Variants in XKR5 observed in about 807,000 individuals in gnomAD.
The protein encoded by XKR5 is XK related 5, also known as XK-related protein 5.
XKR5 carries 46 observed loss-of-function variants against 40.8 expected under a neutral mutation model. The observed-to-expected ratio is 1.13, with a 90% CI of 0.89 to 1.44. The LOEUF is 1.44. Ranked by LOEUF, XKR5 falls within the 40% of genes most tolerant of loss-of-function variation. The probability of loss-of-function intolerance (pLI) is 0.00; values close to 1 mark genes in which losing one functional copy is unlikely to be tolerated. For missense variants in XKR5, 1,169 were observed against 844.7 expected (o/e 1.38, Z -4.76); for synonymous variants, 466 against 356.1 (o/e 1.31, Z -3.48).
chr8:6,826,211 T>C (rs775660189), intron 2 of XKR5, among the ~76,000 whole-genome samples: 2 of 152,144 alleles, frequency 1.3e-5, no homozygotes, highest in Non-Finnish European at 2.9e-5. Context: ...TGCATATGTA[T>C]ATAGGCATTA....
At chr8:6,825,731 A>C (rs1028148135) in intron 2 of XKR5, among the ~76,000 whole-genome samples, 29 of 152,188 alleles carry the variant, frequency 1.9e-4, no homozygotes, top group Non-Finnish European at 5.9e-5. Context: ...TTATCGACAG[A>C]TGTCTGTTGC....
chr8:6,832,023 A>AC (rs1804789916), intron 2 of XKR5, among the ~76,000 whole-genome samples: 1 of 144,828 alleles, frequency 6.9e-6, no homozygotes, highest in South Asian at 2.2e-4. Context: ...TCAAAAAAAA[A>AC]AAAAAAAAAA....
In XKR5 at chr8:6,835,427, C is replaced by G. The variant is rs1587216471; in HGVS notation, c.58+9G>C. The G allele has an allele frequency of 1.4e-6, 2 of 1,477,850 alleles. No individual in the cohort carries two copies. The highest frequency in any genetic ancestry group is 1.3e-5 in the South Asian group (1 of 77,520). The allele number at this position is 1,477,850 out of a possible 1,614,324, so 91.5% of individuals were successfully genotyped here. A position where few individuals can be genotyped will look rare whatever the true frequency, so the allele number is the denominator to read the frequency against. On this transcript the variant is annotated intron_variant, in intron 1 of 6. Transcript: ENST00000618742. Reference sequence around the variant, plus strand: ...AGGGGTGAGCACAGCCTCGGGCTGCCGCACTCACGCGCGCTCTGCTCGGCC... The same window carrying G: ...AGGGGTGAGCACAGCCTCGGGCTGCGGCACTCACGCGCGCTCTGCTCGGCC...
Position 6,820,736 on chromosome 8 carries a change from G to A in XKR5, c.807+1133C>T, listed in dbSNP as rs552364249. 3.3e-5 allele frequency among the ~76,000 whole-genome samples: 5 copies of A among 152,340 alleles called. No individual in the cohort carries two copies. In the South Asian group the frequency reaches 1.0e-3, roughly 32 times the overall value. ...TGAGGTTGGTGAGGCTCAGTAATGT[G>A]TCCAACATTGCAAGTCCTGTGAGCT... On this transcript the variant is annotated intron_variant, in intron 5 of 6. Transcript: ENST00000618742.
At chr8:6,819,135 T>G (rs1280812047) in intron 5 of XKR5, among the ~76,000 whole-genome samples, 3 of 152,222 alleles carry the variant, frequency 2.0e-5, no homozygotes, top group Admixed American at 2.0e-4. Flanking sequence ...AGGCTCAACA[T>G]AGCTGAGCGA....
At chr8:6,825,424 G>GACATACT in intron 2 of XKR5, 75 bp from the exon 3 acceptor site, 1 of 1,389,478 alleles carries the variant, frequency 7.2e-7, no homozygotes, top group East Asian at 2.6e-5. Flanking sequence ...TTCATTTAGA[G>GACATACT]ACATACTACA....
Position 6,835,465 on chromosome 8 carries a change from G to T in XKR5, c.29C>A (p.Ala10Asp), listed in dbSNP as rs973566647. Residue 10 changes from alanine to aspartate, a missense_variant, in exon 1 of 7, where the codon GCC (alanine) becomes GAC (aspartate). Ala to Asp is a moderately radical substitution (Grantham distance 126, BLOSUM62 -2). Transcript: ENST00000618742. MHARLLGLS[A>D]LLQAAEQSAR... Reference sequence around the variant, plus strand: ...GCTCTGCTCGGCCGCCTGCAGCAGGGCCGAGAGCCCCAGGAGCCTCGCGTG... The same window carrying T: ...GCTCTGCTCGGCCGCCTGCAGCAGGTCCGAGAGCCCCAGGAGCCTCGCGTG... 35 of 1,501,948 alleles carry T rather than the reference G, an allele frequency of 2.3e-5. No homozygotes were observed. Among genetic ancestry groups the T allele is most frequent in the Non-Finnish European group, 3.0e-5 (34 of 1,133,008 alleles). 93.0% of individuals were successfully genotyped at this position (1,501,948 alleles called of 1,614,324 possible). A position where few individuals can be genotyped will look rare whatever the true frequency, so the allele number is the denominator to read the frequency against.
At position 6,812,109 on chromosome 8, in the gene XKR5, G is replaced by T. The variant is rs1001879021; in HGVS notation, c.1150C>A (p.Pro384Thr). 1.3e-6 allele frequency: 2 copies of T among 1,546,360 alleles called. No individual in the cohort carries two copies. The highest frequency in any genetic ancestry group is 2.7e-5 in the African/African-American group (2 of 73,066). The change falls in exon 7 of 7, where the codon CCC becomes ACC. Residue 384 changes from proline (P) to threonine (T), a missense_variant. Physicochemically the swap from Pro to Thr is conservative, Grantham distance 38 (BLOSUM62 -1). Transcript: ENST00000618742. ...LGKPPTPEQV[P>T]PEAGLGTQVA... ...TGGGTCCCCAGCCCAGCCTCTGGGGGGACCTGCTCAGGGGTAGGGGGCTTC... is the reference window on the plus strand; with the variant it reads ...TGGGTCCCCAGCCCAGCCTCTGGGGTGACCTGCTCAGGGGTAGGGGGCTTC...
At chr8:6,826,158 C>T (rs1475702134) in intron 2 of XKR5, among the ~76,000 whole-genome samples, 2 of 152,000 alleles carry the variant, frequency 1.3e-5, no homozygotes, top group African/African-American at 4.8e-5. Context: ...TATGTATCTG[C>T]ATGTGCATGT....
chr8:6,833,017 C>G (rs1804842512), intron 1 of XKR5, 117 bp from the exon 2 acceptor site: 1 of 982,778 alleles, frequency 1.0e-6, no homozygotes, highest in East Asian at 3.2e-5. Context: ...CTCTTAAAAT[C>G]TTTCTGGCTG....
chr8:6,829,866 C>G (rs947518574), intron 2 of XKR5, among the ~76,000 whole-genome samples: 3 of 115,426 alleles, frequency 2.6e-5, no homozygotes, highest in Admixed American at 1.2e-4. Flanking sequence ...GAGACGGAGT[C>G]TCGCTCTGTC....
chr8:6,827,794 C>A (rs558514603), intron 2 of XKR5, among the ~76,000 whole-genome samples: 2 of 152,164 alleles, frequency 1.3e-5, no homozygotes, highest in South Asian at 4.2e-4. Context: ...AGACCACAGG[C>A]GAAGTAAGAG....
chr8:6,818,203 C>G (rs111263606), intron 5 of XKR5, among the ~76,000 whole-genome samples: 18 of 152,332 alleles, frequency 1.2e-4, no homozygotes, highest in African/African-American at 4.1e-4. Context: ...TCCAGACACT[C>G]CAGGGTCTTT....
Position 6,822,046 on chromosome 8 carries a change from GA to G in XKR5, c.638-9del. 6.2e-7 allele frequency: 1 copy of G among 1,600,276 alleles called. No homozygotes were observed. Among genetic ancestry groups the G allele is most frequent in the Non-Finnish European group, 8.5e-7 (1 of 1,173,328 alleles). The stretch of plus-strand genomic sequence containing the variant: ...TCACCAGCCAGTGGGCACCTGCAGA[GA>G]AGCCGGGTGCAGACGTCAGGGTCCA... On this transcript the variant is annotated splice_polypyrimidine_tract_variant and intron_variant, in intron 4 of 6. Coordinates refer to ENST00000618742, the MANE Select transcript of XKR5 (RefSeq NM_207411.5).
At chr8:6,817,348 C>T (rs1295394021) in intron 5 of XKR5, among the ~76,000 whole-genome samples, 1 of 152,184 alleles carries the variant, frequency 6.6e-6, no homozygotes, top group African/African-American at 2.4e-5. Flanking sequence ...TTTCTGGGGT[C>T]ATCTTCCAGC....
chr8:6,811,692 G>A lies in XKR5; in HGVS notation c.1567C>T (p.Gln523Ter). The part of the protein sequence containing the change: ...KEGADAVSGT[Q>*]GKGTGGQQRG... ...TGCTGCCCACCTGTCCCCTTCCCCT[G>A]TGTCCCAGAAACAGCGTCAGCTCCT... Residue 523 changes from glutamine to a stop codon, truncating the protein, a stop_gained, in exon 7 of 7, where the codon CAG becomes TAG. Coordinates refer to ENST00000618742, the MANE Select transcript of XKR5 (RefSeq NM_207411.5). LOFTEE classifies it low-confidence loss of function (END_TRUNC). The A allele has an allele frequency of 6.5e-7, 1 of 1,537,728 alleles. No individual in the cohort carries two copies. Among genetic ancestry groups the A allele is most frequent in the Non-Finnish European group, 8.7e-7 (1 of 1,147,052 alleles).
intron 2 of XKR5, among the ~76,000 whole-genome samples, chr8:6,828,522 C>G (rs78906414): frequency 9.4e-4 from 143 of 152,298 alleles, no homozygotes; most frequent in African/African-American, 3.4e-3. Flanking sequence ...GGGAGAAATT[C>G]AGGCTGAGAC....
At position 6,811,537 on chromosome 8, in the gene XKR5, C is replaced by G. The variant is rs761083619; in HGVS notation, c.1722G>C (p.Lys574Asn). 10 of 1,534,434 alleles carry G rather than the reference C, an allele frequency of 6.5e-6. No individual in the cohort carries two copies. The highest frequency in any genetic ancestry group is 3.6e-5 in the South Asian group (3 of 83,540). The change falls in exon 7 of 7, where the codon AAG (lysine) becomes AAC (asparagine). Residue 574 changes from lysine (K) to asparagine (N), a missense_variant. Physicochemically the swap from Lys to Asn is moderately conservative, Grantham distance 94 (BLOSUM62 0). Transcript: ENST00000618742. ...GCGATGCAGGCTGGGCAGGGCTGCTCTTTCCCAGCCTCCTTCCAGAGTGGG... is the reference window on the plus strand; with the variant it reads ...GCGATGCAGGCTGGGCAGGGCTGCTGTTTCCCAGCCTCCTTCCAGAGTGGG... ...QTAHSGRRLG[K>N]SSPAQPASPH...
At position 6,832,717 on chromosome 8, in the gene XKR5, C is replaced by A. The variant is rs150110995; in HGVS notation, c.242G>T (p.Arg81Leu). The change falls in exon 2 of 7, where the codon CGG becomes CTG. Residue 81 changes from arginine to leucine, a missense_variant and splice_region_variant. Arg to Leu is a moderately radical substitution (Grantham distance 102). Coordinates refer to ENST00000618742, the MANE Select transcript of XKR5 (RefSeq NM_207411.5). ...AGGTGAAAGAGGCAGCTGTTCTTAC[C>A]GCTTCCAAACACCAAGCTGTAGGAG... ...LHLLQLGVWK[R>L]HWDAALTSLQ... 2 of 1,612,754 alleles carry A rather than the reference C, an allele frequency of 1.2e-6. No individual in the cohort carries two copies. Among genetic ancestry groups the A allele is most frequent in the Non-Finnish European group, 1.7e-6 (2 of 1,179,468 alleles).
Sources: allele counts gnomAD v4.1 joint callset (sites outside exome capture counted in the v4.1 genomes callset), GRCh38; gene constraint gnomAD v4.1.1; transcripts MANE v1.5; gene names NCBI Gene and HGNC (gene_info 2026-07-23, HGNC 2026-07-21).